SH3KBP1: variants seen among roughly 807,000 people sequenced by gnomAD.
SH3KBP1 encodes SH3 domain-containing kinase-binding protein 1.
In SH3KBP1, 8 loss-of-function variants were observed where a neutral mutation model predicts 50.1. The observed-to-expected ratio is 0.16, with a 90% CI of 0.09 to 0.29. The LOEUF (loss-of-function observed/expected upper bound fraction) is 0.29. Ranked by LOEUF, SH3KBP1 falls within the 10% of genes least tolerant of loss-of-function variation. The probability of loss-of-function intolerance (pLI) is 1.00; values close to 1 mark genes in which losing one functional copy is unlikely to be tolerated. For missense variants in SH3KBP1, 377 were observed against 535.2 expected (o/e 0.70, Z 2.92); for synonymous variants, 227 against 218.6 (o/e 1.04, Z -0.34).
rs376960635 is a variant in SH3KBP1, at chrX:19,542,098, G to T, written c.1719C>A (p.Pro573=). ...CAGCTGTTCCCAAAGAGGATGACAG[G>T]GGGGAGGGCGCCGCTGAGGACAGAG... ...PAPLSSAAPS[P]LSSSLGTAGH... is the part of the protein sequence containing the mutation. The change falls in exon 16 of 18, where the codon CCC becomes CCA. Residue 573 remains proline (P), a synonymous_variant. Coordinates refer to ENST00000397821, the MANE Select transcript of SH3KBP1 (RefSeq NM_031892.3). The T allele has an allele frequency of 3.1e-5, 38 of 1,209,788 alleles. No individual in the cohort carries two copies. The highest frequency in any genetic ancestry group is 1.4e-4 in the African/African-American group (8 of 57,248).
intron 5 of SH3KBP1, among the ~76,000 whole-genome samples, chrX:19,688,149 C>T (rs188359360): frequency 1.6e-4 from 18 of 112,142 alleles, no homozygotes; most frequent in Middle Eastern, 4.6e-3. Flanking sequence ...ATCTTCTACC[C>T]CTAGAGACCT....
intron 2 of SH3KBP1, among the ~76,000 whole-genome samples, chrX:19,794,476 G>A (rs1418595654): frequency 9.0e-6 from 1 of 110,852 alleles, no homozygotes; most frequent in East Asian, 2.8e-4. Flanking sequence ...GGCTGAGGCG[G>A]GCGGATCACG....
intron 13 of SH3KBP1, among the ~76,000 whole-genome samples, chrX:19,554,184 TATAATATTATATATCATATTAAAATATA>T (rs2065384006): frequency 3.0e-5 from 2 of 67,790 alleles, no homozygotes; most frequent in Non-Finnish European, 5.5e-5. Context: ...CATATTAAAA[TATAATATTATATATCATATTAAAATATA>T]ATATTATATA....
intron 12 of SH3KBP1, among the ~76,000 whole-genome samples, chrX:19,579,105 G>A (rs1001590826): frequency 8.9e-6 from 1 of 112,040 alleles, no homozygotes; most frequent in African/African-American, 3.2e-5. Flanking sequence ...CCTTTGCATC[G>A]TGCGTCCTTG....
rs60424271 is a variant in SH3KBP1, at chrX:19,653,763, TACACACACACACACACACACACAC to T, written c.727-8312_727-8289del. Among the ~76,000 whole-genome samples, 11 of 80,275 alleles carry T rather than the reference TACACACACACACACACACACACAC, an allele frequency of 1.4e-4. No homozygotes were observed. In the South Asian group the frequency reaches 3.4e-3, roughly 25 times the overall value. The allele number at this position is 80,275 out of a possible 115,157, so 69.7% of individuals were successfully genotyped here. On this transcript the variant is annotated intron_variant, in intron 6 of 17. Transcript: ENST00000397821. Reference sequence around the variant, plus strand: ...ACATACACATATATATATGTCTAAATACACACACACACACACACACACACACACACACACACACACACACACACA... The same window carrying T: ...ACATACACATATATATATGTCTAAATACACACACACACACACACACACACA...
chrX:19,741,327 T>C (rs764157373), intron 3 of SH3KBP1, among the ~76,000 whole-genome samples: 27 of 111,891 alleles, frequency 2.4e-4, no homozygotes, highest in Non-Finnish European at 4.1e-4. Flanking sequence ...CTGTTACAAA[T>C]AACATCTTTT....
At chrX:19,874,005 T>C (rs1186216413) in intron 1 of SH3KBP1, among the ~76,000 whole-genome samples, 1 of 85,939 alleles carries the variant, frequency 1.2e-5, no homozygotes, top group Admixed American at 1.6e-4. Context: ...GCCAAGATCA[T>C]GCCATTGCAC....
intron 1 of SH3KBP1, among the ~76,000 whole-genome samples, chrX:19,878,261 A>C (rs1023165733): frequency 3.7e-5 from 4 of 107,658 alleles, no homozygotes; most frequent in African/African-American, 1.4e-4. Flanking sequence ...AATTCGAGGG[A>C]TCTGTTTGGC....
At chrX:19,827,613 G>A (rs2067722520) in intron 2 of SH3KBP1, among the ~76,000 whole-genome samples, 1 of 110,332 alleles carries the variant, frequency 9.1e-6, no homozygotes, top group South Asian at 3.8e-4. Context: ...TGCTTTGCTT[G>A]ACTAAAGAAC....
chrX:19,784,324 C>A (rs1187061373), intron 2 of SH3KBP1, among the ~76,000 whole-genome samples: 1 of 111,882 alleles, frequency 8.9e-6, no homozygotes, highest in Non-Finnish European at 1.9e-5. Context: ...CCGTGTATAT[C>A]TAGGAAATGT....
intron 1 of SH3KBP1, among the ~76,000 whole-genome samples, chrX:19,863,094 C>T (rs775635323): frequency 1.8e-5 from 2 of 112,464 alleles, no homozygotes; most frequent in South Asian, 3.7e-4. Flanking sequence ...AGCTGAATCC[C>T]GGCACTGGAA....
intron 12 of SH3KBP1, among the ~76,000 whole-genome samples, chrX:19,584,908 A>C (rs1242288285): frequency 9.0e-6 from 1 of 111,542 alleles, no homozygotes; most frequent in Non-Finnish European, 1.9e-5. Context: ...CTATCCATCC[A>C]TTCACCTGGT....
Position 19,554,067 on chromosome X carries a change from AAAATACAT to A in SH3KBP1, c.1385-3992_1385-3985del, listed in dbSNP as rs1228867881. 1.0e-3 allele frequency among the ~76,000 whole-genome samples: 62 copies of A among 60,849 alleles called. 1 individual carries two copies. The highest frequency in any genetic ancestry group is 1.4e-3 in the Non-Finnish European group (52 of 38,095). The allele number at this position is 60,849 out of a possible 115,157, so 52.8% of individuals were successfully genotyped here. Reference sequence around the variant, plus strand: ...TATATTAAAATATATTATATATATTAAAATACATTATATATATTAAAATATAATATTAT... The same window carrying A: ...TATATTAAAATATATTATATATATTATATATATATTAAAATATAATATTAT... On this transcript the variant is annotated intron_variant, in intron 13 of 17. Transcript: ENST00000397821.
intron 1 of SH3KBP1, among the ~76,000 whole-genome samples, chrX:19,864,620 G>C (rs1295502358): frequency 9.0e-6 from 1 of 111,692 alleles, no homozygotes; most frequent in Non-Finnish European, 1.9e-5. Context: ...AAGGGAACGG[G>C]ATTTTCCTTA....
intron 6 of SH3KBP1, among the ~76,000 whole-genome samples, chrX:19,674,806 T>G (rs192677063): frequency 4.3e-4 from 48 of 111,553 alleles, no homozygotes; most frequent in Non-Finnish European, 7.3e-4. Context: ...AGGCCAGGCA[T>G]GGTGGCTCAT....
intron 6 of SH3KBP1, chrX:19,670,328 A>G: frequency 1.3e-6 from 1 of 753,464 alleles, no homozygotes; most frequent in Non-Finnish European, 1.6e-6. Flanking sequence ...CTCCACTCAC[A>G]AAGAAAACTC....
intron 2 of SH3KBP1, among the ~76,000 whole-genome samples, chrX:19,747,364 C>G (rs1480567874): frequency 8.9e-6 from 1 of 111,962 alleles, no homozygotes; most frequent in East Asian, 2.8e-4. Context: ...TAAGGATTTT[C>G]TAGGCTTGTC....
chrX:19,572,335 TTATATATAGTACATATATATG>T (rs1465641631), intron 12 of SH3KBP1, among the ~76,000 whole-genome samples: 42 of 105,677 alleles, frequency 4.0e-4, no homozygotes, highest in African/African-American at 1.1e-3. Flanking sequence ...CATATATATG[TTATATATAGTACATATATATG>T]TATATATAGT....
chrX:19,801,225 A>G, intron 2 of SH3KBP1, among the ~76,000 whole-genome samples: 1 of 112,193 alleles, frequency 8.9e-6, no homozygotes, highest in East Asian at 2.8e-4. Context: ...TTCTACAACC[A>G]TCTGATGACC....
Sources: gnomAD v4.1 joint callset for allele counts (sites outside exome capture counted in the v4.1 genomes callset) on GRCh38, gnomAD v4.1.1 for gene constraint, MANE v1.5 for transcripts, NCBI Gene and HGNC (gene_info 2026-07-23, HGNC 2026-07-21) for gene names.